HDAC11: variants seen among roughly 807,000 people sequenced by gnomAD.
HDAC11 encodes the protein histone deacetylase 11.
HDAC11 carries 23 observed loss-of-function variants against 41.1 expected under a neutral mutation model. The ratio of observed to expected loss-of-function variants is 0.56; its 90% CI spans 0.40 to 0.79. The LOEUF (loss-of-function observed/expected upper bound fraction) is 0.79, where lower values mean the gene tolerates loss of function less well. HDAC11 is among the 30% of genes least tolerant of loss of function. HDAC11 has a pLI of 0.00. For missense variants in HDAC11, 402 were observed against 477.3 expected, an observed-to-expected ratio of 0.84 and a Z score of 1.47; for synonymous variants, 187 against 186.6, an observed-to-expected ratio of 1.00 and a Z score of -0.02.
chr3:13,480,833 C>CT lies in HDAC11; in HGVS notation c.3-412dup, dbSNP rs1171801924. 2.7e-5 allele frequency: 11 copies of CT among 400,920 alleles called. No individual in the cohort carries two copies. Among genetic ancestry groups the CT allele is most frequent in the Middle Eastern group, 3.5e-4 (1 of 2,832 alleles). 24.8% of individuals were successfully genotyped at this position (400,920 alleles called of 1,614,324 possible). On this transcript the variant is annotated intron_variant, in intron 1 of 9. Coordinates refer to ENST00000295757, the MANE Select transcript of HDAC11 (RefSeq NM_024827.4). The surrounding 1 kb of genome is among the most constrained non-coding windows in gnomAD (Gnocchi z 4.6). ...GTGCTCAGCTCCTCAGTTGCATTCT[C>CT]TGAGTCCTCACAACAGCCACACATT... is the stretch of plus-strand genomic sequence containing the variant.
At chr3:13,503,678 G>A (rs1203473703) in intron 8 of HDAC11, among the ~76,000 whole-genome samples, 1 of 152,242 alleles carries the variant, frequency 6.6e-6, no homozygotes, top group Non-Finnish European at 1.5e-5. Context: ...CACCTTTGCA[G>A]GTAGGGGACA....
At chr3:13,499,210 C>T (rs764938984) in intron 5 of HDAC11, among the ~76,000 whole-genome samples, 5 of 152,168 alleles carry the variant, frequency 3.3e-5, no homozygotes, top group African/African-American at 4.8e-5. Flanking sequence ...ACTCTTGTTG[C>T]CCAGGCTGGA....
intron 3 of HDAC11, among the ~76,000 whole-genome samples, chr3:13,486,065 T>G (rs1328714411): frequency 6.6e-6 from 1 of 151,742 alleles, no homozygotes; most frequent in Admixed American, 6.6e-5. Context: ...GTCGGGAGTT[T>G]GAGATCAGCC....
At chr3:13,493,809 A>G (rs1701971419) in intron 3 of HDAC11, among the ~76,000 whole-genome samples, 1 of 152,204 alleles carries the variant, frequency 6.6e-6, no homozygotes, top group Non-Finnish European at 1.5e-5. Flanking sequence ...AGTCCCGTGC[A>G]TGCTCCTGGG....
chr3:13,501,837 C>T, intron 6 of HDAC11, 34 bp from the exon 7 acceptor site: 1 of 1,607,752 alleles, frequency 6.2e-7, no homozygotes, highest in Non-Finnish European at 8.5e-7. Context: ...CTGTCCGCCC[C>T]AGATCCTCAT....
chr3:13,480,886 C>G lies in HDAC11; in HGVS notation c.3-360C>G. The G allele has an allele frequency of 2.5e-6, 1 of 397,414 alleles. No individual in the cohort carries two copies. Among genetic ancestry groups the G allele is most frequent in the East Asian group, 6.5e-5 (1 of 15,322 alleles). 24.6% of individuals were successfully genotyped at this position (397,414 alleles called of 1,614,324 possible). On this transcript the variant is annotated intron_variant, in intron 1 of 9. Coordinates refer to ENST00000295757, the MANE Select transcript of HDAC11 (RefSeq NM_024827.4). This position sits in a 1 kb window ranked among gnomAD's most constrained non-coding sequence, Gnocchi z 4.6. Reference sequence around the variant, plus strand: ...GCAGCCGAAGCCTTGTGCCACACAGCTGTGGGGGCATTTATTACGGTGCAG... The same window carrying G: ...GCAGCCGAAGCCTTGTGCCACACAGGTGTGGGGGCATTTATTACGGTGCAG...
chr3:13,498,544 C>T lies in HDAC11; in HGVS notation c.401C>T (p.Ala134Val). ...AGKLAVERGW[A>V]INVGGGFHHC... ...AAGCTGGCTGTGGAGCGAGGCTGGG[C>T]CATCAACGTGGGTGAGTGCTGGGAA... The change falls in exon 5 of 10, where the codon GCC (alanine) becomes GTC (valine). Residue 134 changes from alanine (A) to valine (V), a missense_variant. By Grantham distance (64) the Ala-to-Val change is moderately conservative. Transcript: ENST00000295757. 1 of 1,614,022 alleles carries T rather than the reference C, an allele frequency of 6.2e-7. No individual in the cohort carries two copies. The highest frequency in any genetic ancestry group is 8.5e-7 in the Non-Finnish European group (1 of 1,180,020).
At chr3:13,496,877 T>TGGGGG in intron 4 of HDAC11, 25 bp downstream of exon 4, 7 of 1,052,056 alleles carry the variant, frequency 6.7e-6, no homozygotes, top group East Asian at 2.9e-5. Context: ...GGGGCATGGC[T>TGGGGG]GGGCTGGGGG....
Position 13,502,107 on chromosome 3 carries a change from G to A in HDAC11, c.552+174G>A. On this transcript the variant is annotated intron_variant, in intron 7 of 9. Coordinates refer to ENST00000295757, the MANE Select transcript of HDAC11 (RefSeq NM_024827.4). The surrounding 1 kb of genome is among the most constrained non-coding windows in gnomAD (Gnocchi z 4.1). ...CTTTGTCACTCTGTCCAGGACAGCGGGTCCTCCTCATTGCTCCCGAGGGTC... is the reference window on the plus strand; with the variant it reads ...CTTTGTCACTCTGTCCAGGACAGCGAGTCCTCCTCATTGCTCCCGAGGGTC... 1 of 597,160 alleles carries A rather than the reference G, an allele frequency of 1.7e-6. No homozygotes were observed. Among genetic ancestry groups the A allele is most frequent in the Admixed American group, 3.0e-5 (1 of 33,878 alleles). 37.0% of individuals were successfully genotyped at this position (597,160 alleles called of 1,614,324 possible).
In HDAC11 at chr3:13,505,264, C is replaced by A. The variant is rs1056934870; in HGVS notation, c.*581C>A. ...GAACCCTGGGCCTGGATGTGAGGGGCGGTCAGGAAGGGGTACAGGTGGGTT... is the reference window on the plus strand; with the variant it reads ...GAACCCTGGGCCTGGATGTGAGGGGAGGTCAGGAAGGGGTACAGGTGGGTT... On this transcript the variant is annotated 3_prime_UTR_variant, in exon 10 of 10. Coordinates refer to ENST00000295757, the MANE Select transcript of HDAC11 (RefSeq NM_024827.4). The A allele has an allele frequency of 6.2e-6, 1 of 160,168 alleles. No homozygotes were observed. 9.9% of individuals were successfully genotyped at this position (160,168 alleles called of 1,614,324 possible). A position where few individuals can be genotyped will look rare whatever the true frequency, so the allele number is the denominator to read the frequency against.
Position 13,483,571 on chromosome 3 carries a change from G to GA in HDAC11, c.252+8dup, listed in dbSNP as rs1701421841. ...CTATCTTAATGAGCTCAAGGTACAGGATGTCGGGCCTGGGGGGCTGCGGGC... is the reference window on the plus strand; with the variant it reads ...CTATCTTAATGAGCTCAAGGTACAGGAATGTCGGGCCTGGGGGGCTGCGGGC... On this transcript the variant is annotated splice_region_variant and intron_variant, in intron 3 of 9. Coordinates refer to ENST00000295757, the MANE Select transcript of HDAC11 (RefSeq NM_024827.4). 6.2e-7 allele frequency: 1 copy of GA among 1,600,594 alleles called. No homozygotes were observed. The highest frequency in any genetic ancestry group is 1.3e-5 in the African/African-American group (1 of 74,418).
chr3:13,496,258 A>G (rs1434790133), intron 3 of HDAC11, among the ~76,000 whole-genome samples: 1 of 152,240 alleles, frequency 6.6e-6, no homozygotes, highest in African/African-American at 2.4e-5. Flanking sequence ...GAGGCAATGC[A>G]GTGCGAGGGA....
At chr3:13,492,450 G>A (rs1701909443) in intron 3 of HDAC11, among the ~76,000 whole-genome samples, 1 of 152,272 alleles carries the variant, frequency 6.6e-6, no homozygotes, top group Non-Finnish European at 1.5e-5. Context: ...GAGGGAGATA[G>A]ATGCTAATCG....
At chr3:13,481,114 G>A in intron 1 of HDAC11, 132 bp from the exon 2 acceptor site, 1 of 929,298 alleles carries the variant, frequency 1.1e-6, no homozygotes, top group Non-Finnish European at 1.6e-6. Flanking sequence ...TGTTGTTGAG[G>A]GGCCCTTGTC....
chr3:13,504,430 T>A lies in HDAC11; in HGVS notation c.829-38T>A, dbSNP rs766505488. On this transcript the variant is annotated intron_variant, in intron 9 of 9. Coordinates refer to ENST00000295757, the MANE Select transcript of HDAC11 (RefSeq NM_024827.4). ...GCAGGACTTCCTGACACCATGGGGGTCTGGCCTGCCTGAGTCACCCTCCTC... is the reference window on the plus strand; with the variant it reads ...GCAGGACTTCCTGACACCATGGGGGACTGGCCTGCCTGAGTCACCCTCCTC... 2.5e-5 allele frequency: 41 copies of A among 1,608,406 alleles called. No individual in the cohort carries two copies. In the South Asian group the frequency reaches 3.1e-4, roughly 12 times the overall value.
intron 5 of HDAC11, among the ~76,000 whole-genome samples, chr3:13,499,051 C>T (rs549608931): frequency 1.3e-5 from 2 of 152,320 alleles, no homozygotes; most frequent in African/African-American, 2.4e-5. Flanking sequence ...TCCCCAGCCC[C>T]CTTGAATCTC....
rs1463710863 is a variant in HDAC11 at position 13,486,771 on chromosome 3, T to G, written c.252+3207T>G. 2.4e-4 allele frequency among the ~76,000 whole-genome samples: 36 copies of G among 151,406 alleles called. 1 individual carries two copies. The highest frequency in any genetic ancestry group is 2.9e-5 in the Non-Finnish European group (2 of 67,822). On this transcript the variant is annotated intron_variant, in intron 3 of 9. Transcript: ENST00000295757. ...TTTTGTATTTTTAGTAGAGACGGAG[T>G]TTTCACCATGTTGGCCAGGCTGGTC...
rs1701246897 is a variant in HDAC11 at position 13,480,387 on chromosome 3, G to C, written c.2+38G>C. On this transcript the variant is annotated intron_variant, in intron 1 of 9. Coordinates refer to ENST00000295757, the MANE Select transcript of HDAC11 (RefSeq NM_024827.4). The surrounding 1 kb of genome is among the most constrained non-coding windows in gnomAD (Gnocchi z 4.6). ...GGGCGAGGGCGGGGGTGGGCTCCCA[G>C]GGGTCCCGGTGGGCGGGCGCGCTAG... 1 of 1,181,580 alleles carries C rather than the reference G, an allele frequency of 8.5e-7. No individual in the cohort carries two copies. Among genetic ancestry groups the C allele is most frequent in the South Asian group, 4.2e-5 (1 of 23,774 alleles). The allele number at this position is 1,181,580 out of a possible 1,614,324, so 73.2% of individuals were successfully genotyped here.
At chr3:13,494,862 G>A (rs968549195) in intron 3 of HDAC11, among the ~76,000 whole-genome samples, 16 of 152,076 alleles carry the variant, frequency 1.1e-4, no homozygotes, top group African/African-American at 3.9e-4. Flanking sequence ...GCCCCTGCTG[G>A]GGCCTGACTT....
Sources: gnomAD v4.1 joint callset for allele counts (sites outside exome capture counted in the v4.1 genomes callset) on GRCh38, gnomAD v4.1.1 for gene constraint, Gnocchi (gnomAD v3.1) non-coding constraint, MANE v1.5 for transcripts, NCBI Gene and HGNC (gene_info 2026-07-23, HGNC 2026-07-21) for gene names.